DNAH11: variants seen among roughly 807,000 people sequenced by gnomAD.
DNAH11 encodes the protein dynein axonemal heavy chain 11.
DNAH11 carries 442 observed loss-of-function variants against 526.0 expected under a neutral mutation model. That is an observed-to-expected ratio of 0.84 (90% CI 0.78 to 0.91). The LOEUF (loss-of-function observed/expected upper bound fraction) is 0.91. DNAH11 is among the 40% of genes least tolerant of loss of function. The pLI, the probability that DNAH11 is intolerant of heterozygous loss-of-function variation, is 0.00. For missense variants in DNAH11, 6,989 were observed against 5,448.7 expected, an observed-to-expected ratio of 1.28 and a Z score of -8.90; for synonymous variants, 2,461 against 1,935.9, an observed-to-expected ratio of 1.27 and a Z score of -7.12.
At chr7:21,558,149 A>G (rs1379038328) in intron 2 of DNAH11, among the ~76,000 whole-genome samples, 1 of 152,248 alleles carries the variant, frequency 6.6e-6, no homozygotes, top group Admixed American at 6.5e-5. Context: ...TATCAGAAAA[A>G]TGAAAAAATG....
chr7:21,808,121 T>C, intron 63 of DNAH11, 72 bp downstream of exon 63: 3 of 1,248,376 alleles, frequency 2.4e-6, no homozygotes, highest in Non-Finnish European at 3.1e-6. Flanking sequence ...AACCCACATA[T>C]ATGCCAGGCG....
chr7:21,807,824 A>T (rs886677905), intron 62 of DNAH11, 59 bp from the exon 63 acceptor site: 8 of 1,521,028 alleles, frequency 5.3e-6, no homozygotes, highest in Non-Finnish European at 5.4e-6. Flanking sequence ...TGCATTAAGC[A>T]TTTGTGGAGT....
intron 36 of DNAH11, 151 bp from the exon 37 acceptor site, chr7:21,702,559 A>G (rs1784109348): frequency 1.5e-6 from 1 of 647,996 alleles, no homozygotes. Context: ...TGATTTTCAC[A>G]GTTTCAAAGA....
chr7:21,812,701 A>G (rs1249023771), intron 63 of DNAH11, among the ~76,000 whole-genome samples: 3 of 151,754 alleles, frequency 2.0e-5, no homozygotes, highest in Admixed American at 1.3e-4. Context: ...AGGAAAATGA[A>G]CTCTTTCCAC....
At chr7:21,587,815 G>A (rs1273235441) in intron 9 of DNAH11, among the ~76,000 whole-genome samples, 2 of 152,088 alleles carry the variant, frequency 1.3e-5, no homozygotes, top group Admixed American at 6.6e-5. Context: ...AGCTGTGAAC[G>A]GAAATTGCAG....
At chr7:21,813,429 A>T (rs970971747) in intron 63 of DNAH11, among the ~76,000 whole-genome samples, 70 of 152,264 alleles carry the variant, frequency 4.6e-4, no homozygotes, top group African/African-American at 1.7e-3. Context: ...TTAAATGAAA[A>T]AATGGAAAGA....
At chr7:21,736,758 G>A (rs1194120969) in intron 46 of DNAH11, among the ~76,000 whole-genome samples, 1 of 152,194 alleles carries the variant, frequency 6.6e-6, no homozygotes, top group African/African-American at 2.4e-5. Context: ...GGAGGCTGAG[G>A]TGGGAGGATT....
chr7:21,668,015 G>A (rs552022815), intron 30 of DNAH11, among the ~76,000 whole-genome samples: 2 of 152,028 alleles, frequency 1.3e-5, no homozygotes, highest in South Asian at 2.1e-4. Flanking sequence ...AACTGTTCTG[G>A]AATATAAACA....
At chr7:21,780,726 T>C (rs539690531) in intron 57 of DNAH11, among the ~76,000 whole-genome samples, 1 of 152,338 alleles carries the variant, frequency 6.6e-6, no homozygotes, top group East Asian at 1.9e-4. Flanking sequence ...TTTTTATGTT[T>C]AATCCATACC....
intron 28 of DNAH11, among the ~76,000 whole-genome samples, chr7:21,649,983 C>G (rs990852892): frequency 3.3e-5 from 5 of 152,030 alleles, no homozygotes; most frequent in Non-Finnish European, 5.9e-5. Flanking sequence ...ATTCCTTAAT[C>G]TTGTGGTAAG....
intron 61 of DNAH11, among the ~76,000 whole-genome samples, chr7:21,799,047 A>C (rs1788843626): frequency 6.6e-6 from 1 of 152,180 alleles, no homozygotes; most frequent in Admixed American, 6.5e-5. Context: ...AATTTTGAGA[A>C]CCATTGCCTT....
At chr7:21,833,517 AC>A (rs1781870418) in intron 65 of DNAH11, among the ~76,000 whole-genome samples, 1 of 151,846 alleles carries the variant, frequency 6.6e-6, no homozygotes, top group Non-Finnish European at 1.5e-5. Context: ...ACATGATGAA[AC>A]CTCGTCTCTA....
Position 21,642,355 on chromosome 7 carries a change from C to T in DNAH11, c.4944+3290C>T, listed in dbSNP as rs570917701. 3.9e-5 allele frequency among the ~76,000 whole-genome samples: 6 copies of T among 152,240 alleles called. No homozygotes were observed. The East Asian group carries it at 5.8e-4, about 15-fold the overall frequency. On this transcript the variant is annotated intron_variant, in intron 28 of 81. Coordinates refer to ENST00000409508, the MANE Select transcript of DNAH11 (RefSeq NM_001277115.2). Reference sequence around the variant, plus strand: ...CATTTGAGTCATCTAGAGCCATAGTCGGCTTCTTTCCCTGAAAGAAATGGT... The same window carrying T: ...CATTTGAGTCATCTAGAGCCATAGTTGGCTTCTTTCCCTGAAAGAAATGGT...
At chr7:21,587,538 A>G (rs981630913) in intron 9 of DNAH11, among the ~76,000 whole-genome samples, 1 of 152,058 alleles carries the variant, frequency 6.6e-6, no homozygotes, top group South Asian at 2.1e-4. Context: ...AACAGTCACC[A>G]CTGTAGCCCC....
intron 65 of DNAH11, among the ~76,000 whole-genome samples, chr7:21,835,913 G>T (rs1781978635): frequency 6.7e-6 from 1 of 148,174 alleles, no homozygotes; most frequent in Admixed American, 6.7e-5. Context: ...ATTCAGTAAA[G>T]TTGTAGGATA....
At chr7:21,574,707 G>C (rs1388399465) in intron 8 of DNAH11, among the ~76,000 whole-genome samples, 1 of 150,914 alleles carries the variant, frequency 6.6e-6, no homozygotes, top group Non-Finnish European at 1.5e-5. Flanking sequence ...GGGATTACAG[G>C]GGCACACCAC....
intron 25 of DNAH11, among the ~76,000 whole-genome samples, chr7:21,635,588 C>T (rs1221431726): frequency 2.6e-5 from 4 of 152,032 alleles, no homozygotes; most frequent in Non-Finnish European, 4.4e-5. Context: ...TATTTTTTTT[C>T]TGCCTGCAAT....
At position 21,887,863 on chromosome 7, in the gene DNAH11, T is replaced by C. The variant is rs1784181005; in HGVS notation, c.12507+3453T>C. Reference sequence around the variant, plus strand: ...TTTAATCAAAAAAGAACCTCAGGCTTAGAGAGGTCAAGCAGCTGAACCAGA... The same window carrying C: ...TTTAATCAAAAAAGAACCTCAGGCTCAGAGAGGTCAAGCAGCTGAACCAGA... On this transcript the variant is annotated intron_variant, in intron 76 of 81. Transcript: ENST00000409508. Among the ~76,000 whole-genome samples, 3 of 152,092 alleles carry C rather than the reference T, an allele frequency of 2.0e-5. No individual in the cohort carries two copies. The South Asian group carries it at 6.2e-4, about 32-fold the overall frequency.
Position 21,789,354 on chromosome 7 carries a change from C to T in DNAH11, c.10026+12C>T. 6.5e-7 allele frequency: 1 copy of T among 1,549,162 alleles called. No homozygotes were observed. Among genetic ancestry groups the T allele is most frequent in the Non-Finnish European group, 8.7e-7 (1 of 1,144,646 alleles). On this transcript the variant is annotated intron_variant, in intron 61 of 81. Coordinates refer to ENST00000409508, the MANE Select transcript of DNAH11 (RefSeq NM_001277115.2). ...GGAAAAAGCTTGTGGTGAGTGCAAA[C>T]TATGACATTGAAAAGGTTCCCAAGA...
Sources: allele counts gnomAD v4.1 joint callset (sites outside exome capture counted in the v4.1 genomes callset), GRCh38; gene constraint gnomAD v4.1.1; transcripts MANE v1.5; gene names NCBI Gene and HGNC (gene_info 2026-07-23, HGNC 2026-07-21).